The following NUP214 variants were observed in gnomAD, a reference collection of about 807,000 sequenced individuals.
NUP214 encodes the protein nuclear pore complex protein Nup214.
A neutral mutation model predicts 196.2 loss-of-function variants in NUP214; 79 were observed. The observed-to-expected ratio is 0.40, with a 90% confidence interval of 0.34 to 0.49. The LOEUF is 0.49. NUP214 is among the 20% of genes least tolerant of loss of function. The pLI is 0.58. For synonymous variants in NUP214, 1,020 were observed against 990.5 expected (o/e 1.03, Z -0.56); for missense variants, 2,468 against 2,539.0 (o/e 0.97, Z 0.60).
rs1564175546 is a variant in NUP214, at chr9:131,128,489, C to T, written c.393+6C>T. The T allele has an allele frequency of 6.2e-7, 1 of 1,609,954 alleles. No homozygotes were observed. On this transcript the variant is annotated splice_donor_region_variant and intron_variant, in intron 3 of 35. Transcript: ENST00000359428. The stretch of plus-strand genomic sequence containing the variant: ...TTCGCACATTCTCAAATGAGGTAAG[C>T]TACTGTTATACTGTGATGTCAACAT...
rs749653227 is a variant in NUP214, at chr9:131,187,353, C to A, written c.3484C>A (p.Gln1162Lys). 2 of 1,606,720 alleles carry A rather than the reference C, an allele frequency of 1.2e-6. No homozygotes were observed. Among genetic ancestry groups the A allele is most frequent in the Admixed American group, 1.7e-5 (1 of 59,914 alleles). ...AGTGTTGACCCCAGTGGCTGCTAAC[C>A]AAGCCAAGCAGGTAACTTACTGATT... The part of the protein sequence containing the change: ...HPVLTPVAAN[Q>K]AKQGSLINSL... Residue 1162 changes from glutamine to lysine, a missense_variant, in exon 25 of 36, where the codon CAA becomes AAA. By Grantham distance (53) the Gln-to-Lys change is moderately conservative. Around this residue, in one of 5 missense-constraint regions of NUP214, gnomAD observed 1,801 missense variants for 1,779.4 expected, o/e 1.01. Transcript: ENST00000359428.
chr9:131,194,116 G>C (rs1342935987), intron 27 of NUP214: 1 of 150,134 alleles, frequency 6.7e-6, no homozygotes, highest in Non-Finnish European at 1.5e-5. Context: ...TATTTGATGT[G>C]CTTGGTTCGT....
At position 131,232,296 on chromosome 9, in the gene NUP214, G is replaced by A. The variant is rs1347982658; in HGVS notation, c.6227G>A (p.Gly2076Glu). 1.2e-6 allele frequency: 2 copies of A among 1,614,096 alleles called. No individual in the cohort carries two copies. The highest frequency in any genetic ancestry group is 1.7e-6 in the Non-Finnish European group (2 of 1,179,992). The change falls in exon 35 of 36, where the codon GGG (glycine) becomes GAG (glutamate). Residue 2076 changes from glycine (G) to glutamate (E), a missense_variant. Gly to Glu is a moderately conservative substitution (Grantham distance 98). Coordinates refer to ENST00000359428, the MANE Select transcript of NUP214 (RefSeq NM_005085.4). The surrounding 1 kb of genome is among the most constrained non-coding windows in gnomAD (Gnocchi z 5.1). ...FGSGTGGFSF[G>E]SNNSSVQGFG... ...TTCTGCTTTTCAGGGTTCAGCTTTG[G>A]GTCAAATAACTCGTAAGTATCCCCC...
At chr9:131,223,715 A>ATTTATTTATTTATT (rs1204483814) in intron 32 of NUP214, among the ~76,000 whole-genome samples, 1 of 14,096 alleles carries the variant, frequency 7.1e-5, no homozygotes, top group Non-Finnish European at 2.0e-4. Flanking sequence ...TTTTATTTTT[A>ATTTATTTATTTATT]TTTATTTATT....
intron 23 of NUP214, among the ~76,000 whole-genome samples, chr9:131,177,492 G>A (rs1476699308): frequency 6.6e-6 from 1 of 152,122 alleles, no homozygotes; most frequent in Non-Finnish European, 1.5e-5. Flanking sequence ...CTAAGGTATA[G>A]GCACCTTTGA....
chr9:131,217,365 G>A (rs1834432684), intron 31 of NUP214, among the ~76,000 whole-genome samples: 2 of 152,206 alleles, frequency 1.3e-5, no homozygotes, highest in African/African-American at 4.8e-5. Context: ...TAGAAATCAA[G>A]TCTAGTAGTT....
In NUP214 at chr9:131,192,195, T is replaced by TTTTTTA; in HGVS notation, c.3575-13_3575-12insTTTTTA. The TTTTTTA allele has an allele frequency of 1.6e-6, 2 of 1,224,628 alleles. No individual in the cohort carries two copies. Among genetic ancestry groups the TTTTTTA allele is most frequent in the Non-Finnish European group, 2.3e-6 (2 of 877,356 alleles). The allele number at this position is 1,224,628 out of a possible 1,614,324, so 75.9% of individuals were successfully genotyped here. On this transcript the variant is annotated splice_polypyrimidine_tract_variant and intron_variant, in intron 26 of 35. Transcript: ENST00000359428. ...TTTTTTTTTTTTTTTTTTTTTTTTTTCCATAATTTCAGGGACAGCCAAGAT... is the reference window on the plus strand; with the variant it reads ...TTTTTTTTTTTTTTTTTTTTTTTTTTTTTTTACCATAATTTCAGGGACAGCCAAGAT...
Position 131,129,380 on chromosome 9 carries a change from G to A in NUP214, c.495G>A (p.Val165=). The A allele has an allele frequency of 1.5e-5, 24 of 1,614,192 alleles. No homozygotes were observed. The highest frequency in any genetic ancestry group is 2.0e-5 in the Non-Finnish European group (24 of 1,180,034). Residue 165 remains valine, a synonymous_variant, in exon 4 of 36, where the codon GTG becomes GTA. Transcript: ENST00000359428. ...MKWNPTVPSM[V]AVCLADGSIA... The stretch of plus-strand genomic sequence containing the variant: ...GGAACCCCACTGTCCCCTCCATGGT[G>A]GCAGTTTGTCTGGCTGATGGTAGTA...
chr9:131,212,108 C>G (rs1398054624), intron 30 of NUP214, among the ~76,000 whole-genome samples: 1 of 152,126 alleles, frequency 6.6e-6, no homozygotes, highest in Non-Finnish European at 1.5e-5. Context: ...CTGTCTTACA[C>G]GGTTGTAGAT....
chr9:131,180,266 G>A (rs1390442398), intron 24 of NUP214, among the ~76,000 whole-genome samples: 9 of 152,170 alleles, frequency 5.9e-5, no homozygotes, highest in Admixed American at 3.9e-4. Flanking sequence ...CTGAAATGTA[G>A]AAGCATTCCT....
intron 21 of NUP214, 119 bp downstream of exon 21, chr9:131,164,263 A>C: frequency 2.5e-6 from 2 of 812,498 alleles, no homozygotes. Context: ...TGTGTGTGTA[A>C]GTGTGTGTGT....
intron 32 of NUP214, among the ~76,000 whole-genome samples, chr9:131,224,585 A>C (rs1327356908): frequency 1.3e-5 from 2 of 152,184 alleles, no homozygotes; most frequent in African/African-American, 4.8e-5. Flanking sequence ...GGCTGCCCCA[A>C]ATTAATACAT....
chr9:131,196,995 A>T (rs1476797863), intron 28 of NUP214, among the ~76,000 whole-genome samples: 1 of 152,114 alleles, frequency 6.6e-6, no homozygotes, highest in Non-Finnish European at 1.5e-5. Flanking sequence ...TAATGGTCAT[A>T]AAAAAAGTAT....
chr9:131,163,396 A>G, intron 19 of NUP214: 1 of 521,766 alleles, frequency 1.9e-6, no homozygotes, highest in Non-Finnish European at 3.4e-6. Context: ...TTAAGTCTGT[A>G]AAATATTACA....
Position 131,198,856 on chromosome 9 carries a change from C to G in NUP214, c.5362C>G (p.Gln1788Glu), listed in dbSNP as rs141659384. Reference protein sequence around the residue: ...TSSSSSFSFGQSSPNTGGGLF... With the variant: ...TSSSSSFSFGESSPNTGGGLF... ...TAGCTCCAGTTCCTTCTCATTTGGA[C>G]AGTCTTCTCCCAACACAGGAGGGGG... Residue 1788 changes from glutamine to glutamate, a missense_variant, in exon 29 of 36, where the codon CAG becomes GAG. Gln to Glu is a conservative substitution (Grantham distance 29, BLOSUM62 2). Transcript: ENST00000359428. 9.4e-5 allele frequency: 152 copies of G among 1,614,064 alleles called. No homozygotes were observed. Among genetic ancestry groups the G allele is most frequent in the Non-Finnish European group, 1.2e-4 (143 of 1,180,044 alleles).
intron 32 of NUP214, 30 bp downstream of exon 32, chr9:131,222,960 CT>C (rs781294098): frequency 1.2e-6 from 2 of 1,603,938 alleles, no homozygotes; most frequent in Non-Finnish European, 1.7e-6. Context: ...TTATGGTTAT[CT>C]TTATATATGT....
intron 21 of NUP214, among the ~76,000 whole-genome samples, chr9:131,171,638 G>A (rs1832960878): frequency 6.7e-6 from 1 of 150,090 alleles, no homozygotes; most frequent in Admixed American, 6.7e-5. Flanking sequence ...GTGCCATGCT[G>A]GTGTGCTGCA....
At chr9:131,135,083 C>A in intron 8 of NUP214, 79 bp downstream of exon 8, 2 of 1,000,412 alleles carry the variant, frequency 2.0e-6, no homozygotes, top group Non-Finnish European at 3.1e-6. Flanking sequence ...ATGTTGAAAT[C>A]TTTTCTGATT....
intron 22 of NUP214, 132 bp downstream of exon 22, chr9:131,174,450 T>C (rs1833051743): frequency 5.4e-6 from 3 of 553,074 alleles, no homozygotes; most frequent in Non-Finnish European, 8.3e-6. Flanking sequence ...TTTTTTTCTT[T>C]TTTTCTTTTT....
Sources: gnomAD v4.1 joint callset for allele counts (sites outside exome capture counted in the v4.1 genomes callset) on GRCh38, gnomAD v4.1.1 for gene constraint, gnomAD v4.1.1 regional missense constraint, Gnocchi (gnomAD v3.1) non-coding constraint, MANE v1.5 for transcripts, NCBI Gene and HGNC (gene_info 2026-07-23, HGNC 2026-07-21) for gene names.